Variants in PTBP1 observed in about 807,000 individuals in gnomAD.
PTBP1 encodes polypyrimidine tract-binding protein 1.
Under a neutral mutation model 59.8 loss-of-function variants are expected in PTBP1, and 8 were observed. That is an observed-to-expected ratio of 0.13 (90% CI 0.08 to 0.24). The LOEUF (loss-of-function observed/expected upper bound fraction) is 0.24, where lower values mean the gene tolerates loss of function less well. Among genes scored for constraint, PTBP1 ranks in the 10% least tolerant of loss-of-function variants. The pLI, the probability that PTBP1 is intolerant of heterozygous loss-of-function variation, is 1.00. For synonymous variants in PTBP1, 490 were observed against 320.7 expected (o/e 1.53, Z -5.64); for missense variants, 686 against 767.0 (o/e 0.89, Z 1.25).
chr19:805,308 C>A, intron 8 of PTBP1, 121 bp downstream of exon 8: 1 of 1,280,210 alleles, frequency 7.8e-7, no homozygotes, highest in Non-Finnish European at 1.1e-6. Flanking sequence ...GCTCTCTGCA[C>A]GGCCAGCACA....
At chr19:802,825 G>A (rs1305776986) in intron 2 of PTBP1, among the ~76,000 whole-genome samples, 2 of 152,242 alleles carry the variant, frequency 1.3e-5, no homozygotes, top group African/African-American at 4.8e-5. Context: ...ATTCTTAGAA[G>A]TTGATCCAAT....
chr19:797,777 C>CCG (rs1289833359), intron 1 of PTBP1, among the ~76,000 whole-genome samples: 11 of 148,582 alleles, frequency 7.4e-5, no homozygotes, highest in Middle Eastern at 3.4e-3. Flanking sequence ...CCCTCCCCCT[C>CCG]CGCGCGCGTC....
chr19:798,178 C>T (rs942442177), intron 1 of PTBP1, among the ~76,000 whole-genome samples: 3 of 152,018 alleles, frequency 2.0e-5, no homozygotes, highest in East Asian at 1.9e-4. Flanking sequence ...GAGGGTCTGT[C>T]CTCCGCCCCG....
intron 2 of PTBP1, 92 bp downstream of exon 2, chr19:799,535 G>C: frequency 7.4e-7 from 1 of 1,352,566 alleles, no homozygotes; most frequent in South Asian, 1.2e-5. Flanking sequence ...GTTGGCTAGA[G>C]GGCGCTTTTC....
At chr19:802,049 T>G (rs1303029728) in intron 2 of PTBP1, among the ~76,000 whole-genome samples, 2 of 152,088 alleles carry the variant, frequency 1.3e-5, no homozygotes, top group African/African-American at 4.8e-5. Flanking sequence ...GGACCCTGAG[T>G]GATTCCTGGT....
At chr19:803,899 C>A in intron 3 of PTBP1, 137 bp from the exon 4 acceptor site, 1 of 1,047,604 alleles carries the variant, frequency 9.5e-7, no homozygotes, top group Non-Finnish European at 1.4e-6. Context: ...TGGCCTCTCG[C>A]GCTGCTGGTT....
At chr19:805,275 T>C in intron 8 of PTBP1, 88 bp downstream of exon 8, 1 of 1,465,592 alleles carries the variant, frequency 6.8e-7, no homozygotes, top group South Asian at 1.2e-5. Flanking sequence ...GGCCCGGCCC[T>C]GCACCAGGGT....
chr19:806,265 C>T, intron 9 of PTBP1, 143 bp from the exon 10 acceptor site: 2 of 959,048 alleles, frequency 2.1e-6, no homozygotes, highest in South Asian at 2.0e-5. Context: ...GACGACCCCA[C>T]AGGCACCCAG....
intron 2 of PTBP1, 134 bp from the exon 3 acceptor site, chr19:803,427 T>G: frequency 2.8e-6 from 2 of 714,408 alleles, no homozygotes; most frequent in Non-Finnish European, 5.0e-6. Flanking sequence ...TGCCCTGCCG[T>G]GGAAGTGTGG....
At position 810,666 on chromosome 19, in the gene PTBP1, C is replaced by T. The variant is rs187129073; in HGVS notation, c.1542-28C>T. On this transcript the variant is annotated intron_variant, in intron 14 of 14. Coordinates refer to ENST00000356948, the MANE Select transcript of PTBP1 (RefSeq NM_002819.5). ...CCCTGGCTCTCCCCAGGCTGCCCTG[C>T]GGCCGGCCCTGACCCCCTGTCTTGC... is the stretch of plus-strand genomic sequence containing the variant. 8.9e-4 allele frequency: 1,434 copies of T among 1,611,436 alleles called. 15 individuals are homozygous for T. The African/African-American group carries it at 0.017, about 19-fold the overall frequency.
At chr19:806,338 A>G (rs2145056116) in intron 9 of PTBP1, 70 bp from the exon 10 acceptor site, 1 of 1,477,876 alleles carries the variant, frequency 6.8e-7, no homozygotes, top group Non-Finnish European at 9.0e-7. Context: ...GAGGACGGGG[A>G]GCGTCGGCCT....
Position 804,522 on chromosome 19 carries a change from C to T in PTBP1, c.436-10C>T, listed in dbSNP as rs1199325911. The T allele has an allele frequency of 1.3e-6, 2 of 1,598,382 alleles. No individual in the cohort carries two copies. Among genetic ancestry groups the T allele is most frequent in the Non-Finnish European group, 8.5e-7 (1 of 1,175,098 alleles). ...CAGGGGCCGGGGACTCACGGCTGTG[C>T]CTCCCACAGCGGGCCCAGGCGGCCC... is the stretch of plus-strand genomic sequence containing the variant. On this transcript the variant is annotated splice_polypyrimidine_tract_variant and intron_variant, in intron 5 of 14. Transcript: ENST00000356948.
At chr19:806,129 G>A (rs1166511861) in intron 9 of PTBP1, 3 of 373,142 alleles carry the variant, frequency 8.0e-6, no homozygotes, top group Non-Finnish European at 1.4e-5. Context: ...GTCTGTGCTG[G>A]CGGAGCCGGA....
In PTBP1 at chr19:797,521, C is replaced by A. The variant is rs1456368856; in HGVS notation, c.8+16C>A. The A allele has an allele frequency of 6.6e-7, 1 of 1,510,056 alleles. No individual in the cohort carries two copies. The highest frequency in any genetic ancestry group is 8.8e-7 in the Non-Finnish European group (1 of 1,135,118). The allele number at this position is 1,510,056 out of a possible 1,614,324, so 93.5% of individuals were successfully genotyped here. A position where few individuals can be genotyped will look rare whatever the true frequency, so the allele number is the denominator to read the frequency against. Reference sequence around the variant, plus strand: ...CCATGGACGGGTGAGTCGCACGTCGCCCCGCGCCCCACCGCCCTCCCCGCG... The same window carrying A: ...CCATGGACGGGTGAGTCGCACGTCGACCCGCGCCCCACCGCCCTCCCCGCG... On this transcript the variant is annotated intron_variant, in intron 1 of 14. Transcript: ENST00000356948.
At chr19:797,570 C>T in intron 1 of PTBP1, 65 bp downstream of exon 1, 1 of 1,226,114 alleles carries the variant, frequency 8.2e-7, no homozygotes, top group Non-Finnish European at 1.0e-6. Flanking sequence ...CCCGCCGCCG[C>T]GCCGGCCTCC....
chr19:810,860 ACAACTTC>A lies in PTBP1; in HGVS notation c.*37_*43del. 1 of 1,501,270 alleles carries A rather than the reference ACAACTTC, an allele frequency of 6.7e-7. No homozygotes were observed. The highest frequency in any genetic ancestry group is 1.4e-5 in the African/African-American group (1 of 70,040). 93.0% of individuals were successfully genotyped at this position (1,501,270 alleles called of 1,614,324 possible). On this transcript the variant is annotated 3_prime_UTR_variant, in exon 15 of 15. Coordinates refer to ENST00000356948, the MANE Select transcript of PTBP1 (RefSeq NM_002819.5). The stretch of plus-strand genomic sequence containing the variant: ...GCCCCCACGGCCGGGCCCCCTGGCG[ACAACTTC>A]CATCATTCCAGAGAAAAGCCACTTT...
At position 797,977 on chromosome 19, in the gene PTBP1, C is replaced by T. The variant is rs1174178464; in HGVS notation, c.8+472C>T. Among the ~76,000 whole-genome samples the T allele has an allele frequency of 2.0e-5, 3 of 149,750 alleles. No individual in the cohort carries two copies. The East Asian group carries it at 5.8e-4, about 29-fold the overall frequency. On this transcript the variant is annotated intron_variant, in intron 1 of 14. Transcript: ENST00000356948. ...CATCGGGGGCGCGCGCCTTTCCCGC[C>T]GCCCGGACTCTGCCCCCGGCGCAGC...
chr19:802,559 G>C (rs370671298), intron 2 of PTBP1, among the ~76,000 whole-genome samples: 1 of 152,340 alleles, frequency 6.6e-6, no homozygotes, highest in South Asian at 2.1e-4. Flanking sequence ...TGATACGGGA[G>C]ATGGAGGCTC....
Position 810,843 on chromosome 19 carries a change from G to A in PTBP1, c.*17G>A, listed in dbSNP as rs377729244. 7.9e-6 allele frequency: 12 copies of A among 1,519,232 alleles called. No individual in the cohort carries two copies. Among genetic ancestry groups the A allele is most frequent in the East Asian group, 7.3e-5 (3 of 40,844 alleles). The allele number at this position is 1,519,232 out of a possible 1,614,324, so 94.1% of individuals were successfully genotyped here. On this transcript the variant is annotated 3_prime_UTR_variant, in exon 15 of 15. Transcript: ENST00000356948. ...ACCATCTAGGGGCACAGGCCCCCAC[G>A]GCCGGGCCCCCTGGCGACAACTTCC...
Sources: allele counts gnomAD v4.1 joint callset (sites outside exome capture counted in the v4.1 genomes callset), GRCh38; gene constraint gnomAD v4.1.1; transcripts MANE v1.5; gene names NCBI Gene and HGNC (gene_info 2026-07-23, HGNC 2026-07-21).